Variants in PPFIBP2 observed in about 807,000 individuals in gnomAD.
PPFIBP2 encodes the protein liprin-beta-2.
Under a neutral mutation model 118.3 loss-of-function variants are expected in PPFIBP2, and 118 were observed. The observed-to-expected ratio is 1.00, with a 90% CI of 0.86 to 1.16. PPFIBP2 has a LOEUF of 1.16. PPFIBP2 is among the 50% of genes most tolerant of loss of function. The probability of loss-of-function intolerance (pLI) is 0.00; values close to 1 mark genes in which losing one functional copy is unlikely to be tolerated. For synonymous variants in PPFIBP2, 414 were observed against 397.4 expected, an observed-to-expected ratio of 1.04 and a Z score of -0.50; for missense variants, 1,195 against 1,073.1, an observed-to-expected ratio of 1.11 and a Z score of -1.59.
chr11:7,603,661 T>G (rs991516680), intron 5 of PPFIBP2, among the ~76,000 whole-genome samples: 1 of 152,194 alleles, frequency 6.6e-6, no homozygotes, highest in Non-Finnish European at 1.5e-5. Flanking sequence ...CAAATTCTTT[T>G]TTTCAGCTTT....
chr11:7,605,117 G>C (rs763511091), intron 5 of PPFIBP2, among the ~76,000 whole-genome samples: 1 of 152,212 alleles, frequency 6.6e-6, no homozygotes, highest in South Asian at 2.1e-4. Context: ...TTCTGAACTA[G>C]GGAACAGTTT....
chr11:7,613,125 A>G (rs1848261224), intron 6 of PPFIBP2, among the ~76,000 whole-genome samples: 1 of 152,054 alleles, frequency 6.6e-6, no homozygotes, highest in Admixed American at 6.5e-5. Flanking sequence ...AGATAGCCAG[A>G]TCTGAAATAC....
At chr11:7,614,081 A>C (rs1319336770) in intron 6 of PPFIBP2, among the ~76,000 whole-genome samples, 1 of 152,168 alleles carries the variant, frequency 6.6e-6, no homozygotes, top group African/African-American at 2.4e-5. Flanking sequence ...ATCTGGGAAG[A>C]TTGTGTTTGC....
chr11:7,614,452 C>T (rs1848409925), intron 6 of PPFIBP2, among the ~76,000 whole-genome samples: 1 of 152,226 alleles, frequency 6.6e-6, no homozygotes, highest in Admixed American at 6.5e-5. Flanking sequence ...AAAACTTCCT[C>T]ATTCATATCT....
In PPFIBP2 at chr11:7,593,201, G is replaced by C; in HGVS notation, c.349G>C (p.Asp117His). The C allele has an allele frequency of 6.2e-7, 1 of 1,614,038 alleles. No homozygotes were observed. Among genetic ancestry groups the C allele is most frequent in the Non-Finnish European group, 8.5e-7 (1 of 1,179,948 alleles). Residue 117 changes from aspartate to histidine, a missense_variant, in exon 4 of 24, where the codon GAT becomes CAT. Asp to His is a moderately conservative substitution (Grantham distance 81). Transcript: ENST00000299492. ...GGAACGCTTGGCACGTCTAGAAGGG[G>C]ATAAGGAGTCCCTCATATTGCAGGT... ...YQERLARLEG[D>H]KESLILQVSV...
At chr11:7,531,805 C>T (rs1244887419) in intron 1 of PPFIBP2, among the ~76,000 whole-genome samples, 1 of 151,776 alleles carries the variant, frequency 6.6e-6, no homozygotes, top group African/African-American at 2.4e-5. Context: ...TCTTTTGGGG[C>T]CTCTCCTTGA....
At chr11:7,550,013 C>T (rs990955640) in intron 2 of PPFIBP2, among the ~76,000 whole-genome samples, 2 of 152,144 alleles carry the variant, frequency 1.3e-5, no homozygotes, top group Non-Finnish European at 2.9e-5. Context: ...TTTCTTTATG[C>T]CATATTGTTT....
At chr11:7,667,236 A>G in the PPFIBP2 span, 1 of 152,206 alleles carries the variant, frequency 6.6e-6, no homozygotes, top group South Asian at 2.1e-4. Context: ...TGAATGTGGA[A>G]GTTAGTAAAT....
At chr11:7,621,051 T>A (rs371452929) in intron 7 of PPFIBP2, 24 bp downstream of exon 7, 5 of 1,545,856 alleles carry the variant, frequency 3.2e-6, no homozygotes, top group South Asian at 2.2e-5. Context: ...CTGATGCTTA[T>A]GGAGAGAGTA....
At chr11:7,641,751 A>G in intron 16 of PPFIBP2, 131 bp downstream of exon 16, 1 of 955,082 alleles carries the variant, frequency 1.0e-6, no homozygotes, top group East Asian at 2.5e-5. Context: ...ATGTTCAAAG[A>G]GAAGAATCTG....
chr11:7,605,991 A>G (rs1414170900), intron 5 of PPFIBP2: 5 of 1,535,606 alleles, frequency 3.3e-6, no homozygotes, highest in South Asian at 1.2e-5. Context: ...TGTGGAAGCT[A>G]TTGAGGAGAC....
chr11:7,529,900 G>C (rs1488571526), intron 1 of PPFIBP2, among the ~76,000 whole-genome samples: 1 of 152,226 alleles, frequency 6.6e-6, no homozygotes, highest in Admixed American at 6.5e-5. Flanking sequence ...CCCTAACCTT[G>C]CCCTGTTTTG....
chr11:7,644,232 G>A (rs971396025), intron 17 of PPFIBP2, among the ~76,000 whole-genome samples: 1 of 152,134 alleles, frequency 6.6e-6, no homozygotes, highest in Non-Finnish European at 1.5e-5. Flanking sequence ...TTTTGCTTCT[G>A]ATACTTTGAT....
intron 2 of PPFIBP2, among the ~76,000 whole-genome samples, chr11:7,554,584 G>A (rs1853365781): frequency 6.6e-6 from 1 of 152,060 alleles, no homozygotes; most frequent in Non-Finnish European, 1.5e-5. Flanking sequence ...ACTCTGAGAG[G>A]ACATCCTAAT....
chr11:7,525,390 T>C (rs1320767244), intron 1 of PPFIBP2, among the ~76,000 whole-genome samples: 1 of 152,212 alleles, frequency 6.6e-6, no homozygotes, highest in Non-Finnish European at 1.5e-5. Flanking sequence ...TAAATCCTTT[T>C]ATTCCCGTCT....
At chr11:7,634,596 T>A in intron 13 of PPFIBP2, 44 bp downstream of exon 13, 3 of 1,523,706 alleles carry the variant, frequency 2.0e-6, no homozygotes, top group Non-Finnish European at 2.7e-6. Context: ...AGTTACTTTT[T>A]TGGGCCTAGC....
intron 2 of PPFIBP2, among the ~76,000 whole-genome samples, chr11:7,563,826 G>A (rs994150306): frequency 2.0e-5 from 3 of 152,100 alleles, no homozygotes; most frequent in Non-Finnish European, 2.9e-5. Flanking sequence ...CTGAACTTAC[G>A]GAAAGGAGAC....
intron 3 of PPFIBP2, among the ~76,000 whole-genome samples, chr11:7,568,605 T>C (rs1855279530): frequency 6.6e-6 from 1 of 152,128 alleles, no homozygotes; most frequent in South Asian, 2.1e-4. Flanking sequence ...CCACCTGCCA[T>C]AGAGGGAGGT....
At chr11:7,596,343 G>A (rs1860292793) in intron 4 of PPFIBP2, among the ~76,000 whole-genome samples, 1 of 151,574 alleles carries the variant, frequency 6.6e-6, no homozygotes, top group Non-Finnish European at 1.5e-5. Flanking sequence ...CACCCACAAA[G>A]GTTTGCGTGT....
Sources: gnomAD v4.1 joint callset for allele counts (sites outside exome capture counted in the v4.1 genomes callset) on GRCh38, gnomAD v4.1.1 for gene constraint, MANE v1.5 for transcripts, NCBI Gene and HGNC (gene_info 2026-07-23, HGNC 2026-07-21) for gene names.